The following WDR70 variants were observed in gnomAD, a reference collection of about 807,000 sequenced individuals.
WDR70 encodes WD repeat-containing protein 70.
A neutral mutation model predicts 88.6 loss-of-function variants in WDR70; 53 were observed. That is an observed-to-expected ratio of 0.60 (90% confidence interval 0.48 to 0.75). The LOEUF is 0.75. WDR70 is among the 30% of genes least tolerant of loss of function. WDR70 has a pLI of 0.00. For synonymous variants in WDR70, 280 were observed against 270.0 expected, an observed-to-expected ratio of 1.04 and a Z score of -0.36; for missense variants, 610 against 823.2, an observed-to-expected ratio of 0.74 and a Z score of 3.17.
chr5:37,480,645 G>A (rs988520916), intron 8 of WDR70, among the ~76,000 whole-genome samples: 4 of 152,110 alleles, frequency 2.6e-5, no homozygotes, highest in Non-Finnish European at 4.4e-5. Flanking sequence ...TCTCCACCTG[G>A]CCCCGCCCTT....
At chr5:37,688,910 C>T (rs752149973) in intron 10 of WDR70, among the ~76,000 whole-genome samples, 9 of 152,004 alleles carry the variant, frequency 5.9e-5, no homozygotes, top group African/African-American at 1.4e-4. Flanking sequence ...CGCAAGGGGT[C>T]GGGGGAATTC....
chr5:37,394,090 A>G (rs1292789049), intron 4 of WDR70, among the ~76,000 whole-genome samples: 1 of 151,976 alleles, frequency 6.6e-6, no homozygotes, highest in African/African-American at 2.4e-5. Context: ...GTGGATCACG[A>G]GGTCAGGAGT....
At chr5:37,576,286 C>T (rs1743048840) in intron 9 of WDR70, among the ~76,000 whole-genome samples, 1 of 151,892 alleles carries the variant, frequency 6.6e-6, no homozygotes, top group Admixed American at 6.6e-5. Context: ...CCATTTCTCA[C>T]ACTGAGCTCT....
intron 4 of WDR70, among the ~76,000 whole-genome samples, chr5:37,392,768 C>T (rs562471640): frequency 2.1e-3 from 321 of 151,876 alleles, no homozygotes; most frequent in African/African-American, 7.4e-3. Context: ...CCTTAGCCTC[C>T]CAAGTAGCTG....
At chr5:37,528,118 C>T (rs2112296162) in intron 9 of WDR70, among the ~76,000 whole-genome samples, 1 of 152,316 alleles carries the variant, frequency 6.6e-6, no homozygotes, top group Admixed American at 6.5e-5. Flanking sequence ...ACCCAGCCAT[C>T]CCATTACTGG....
chr5:37,638,304 A>G (rs987824433), intron 10 of WDR70, among the ~76,000 whole-genome samples: 13 of 152,284 alleles, frequency 8.5e-5, no homozygotes, highest in Middle Eastern at 3.4e-3. Flanking sequence ...TGAGTTAATG[A>G]ATTTAGTTAA....
intron 10 of WDR70, among the ~76,000 whole-genome samples, chr5:37,690,874 T>C (rs1227190222): frequency 1.3e-5 from 2 of 152,012 alleles, no homozygotes; most frequent in Non-Finnish European, 2.9e-5. Flanking sequence ...ACACATAACA[T>C]TATTAACGTT....
intron 11 of WDR70, among the ~76,000 whole-genome samples, chr5:37,700,061 C>G (rs1023039313): frequency 6.6e-6 from 1 of 151,882 alleles, no homozygotes; most frequent in African/African-American, 2.4e-5. Flanking sequence ...GGTCCTGAGT[C>G]CAGCCAATTG....
intron 9 of WDR70, among the ~76,000 whole-genome samples, chr5:37,526,237 A>T (rs1012177201): frequency 9.9e-5 from 15 of 152,186 alleles, no homozygotes; most frequent in African/African-American, 3.4e-4. Flanking sequence ...ATCCTCAATA[A>T]AATACTGACA....
rs567088255 is a variant in WDR70 at position 37,528,250 on chromosome 5, C to A, written c.917+11660C>A. On this transcript the variant is annotated intron_variant, in intron 9 of 17. Coordinates refer to ENST00000265107, the MANE Select transcript of WDR70 (RefSeq NM_018034.4). ...AACCCAAATGTCCATCAATGATAGA[C>A]TGGATTAAGAAAATGTGGCACATAT... 3.3e-5 allele frequency among the ~76,000 whole-genome samples: 5 copies of A among 152,260 alleles called. No individual in the cohort carries two copies. In the South Asian group the frequency reaches 1.0e-3, roughly 32 times the overall value.
intron 17 of WDR70, among the ~76,000 whole-genome samples, chr5:37,748,554 G>A (rs13158957): frequency 6.6e-6 from 1 of 152,050 alleles, no homozygotes; most frequent in Non-Finnish European, 1.5e-5. Flanking sequence ...CATAGGCATG[G>A]GCAAAGACTT....
chr5:37,592,281 A>T (rs1040290499), intron 9 of WDR70, among the ~76,000 whole-genome samples: 1 of 152,224 alleles, frequency 6.6e-6, no homozygotes, highest in African/African-American at 2.4e-5. Flanking sequence ...CAGTGTGTGT[A>T]CATTGAACCA....
intron 8 of WDR70, among the ~76,000 whole-genome samples, chr5:37,507,638 T>C (rs1740602716): frequency 6.6e-6 from 1 of 152,200 alleles, no homozygotes; most frequent in African/African-American, 2.4e-5. Flanking sequence ...ATGTTTTCAG[T>C]ATATTGAGGT....
intron 7 of WDR70, among the ~76,000 whole-genome samples, chr5:37,444,410 C>G (rs1038998720): frequency 7.4e-6 from 1 of 134,282 alleles, no homozygotes; most frequent in Non-Finnish European, 1.5e-5. Context: ...GAGATCTTGG[C>G]TCACTGCAAC....
chr5:37,602,029 T>C (rs1415442904), intron 9 of WDR70, among the ~76,000 whole-genome samples: 2 of 113,570 alleles, frequency 1.8e-5, no homozygotes, highest in East Asian at 5.4e-4. Flanking sequence ...TGAGAACACA[T>C]GGATATAGGG....
intron 7 of WDR70, among the ~76,000 whole-genome samples, chr5:37,467,876 A>C (rs1028812499): frequency 1.3e-5 from 2 of 151,338 alleles, no homozygotes; most frequent in Non-Finnish European, 2.9e-5. Context: ...CACCGCGCCC[A>C]GCTAATTTTT....
At chr5:37,664,582 T>C (rs1745787144) in intron 10 of WDR70, among the ~76,000 whole-genome samples, 1 of 152,240 alleles carries the variant, frequency 6.6e-6, no homozygotes, top group Admixed American at 6.5e-5. Flanking sequence ...AATATTATAC[T>C]ACCATGATAA....
At chr5:37,441,889 C>A (rs546244273) in intron 6 of WDR70, among the ~76,000 whole-genome samples, 2 of 152,064 alleles carry the variant, frequency 1.3e-5, no homozygotes, top group African/African-American at 2.4e-5. Context: ...TTAAATATTC[C>A]TAATGCAGTT....
chr5:37,582,139 G>T (rs1203342032), intron 9 of WDR70, among the ~76,000 whole-genome samples: 2 of 152,008 alleles, frequency 1.3e-5, no homozygotes, highest in African/African-American at 4.8e-5. Context: ...TATAGTAAGG[G>T]TCATTTTAAG....
Sources: allele counts gnomAD v4.1 joint callset (sites outside exome capture counted in the v4.1 genomes callset), GRCh38; gene constraint gnomAD v4.1.1; transcripts MANE v1.5; gene names NCBI Gene and HGNC (gene_info 2026-07-23, HGNC 2026-07-21).